The following ADAMTS9 variants were observed in gnomAD, a reference collection of about 807,000 sequenced individuals.
The protein encoded by ADAMTS9 is ADAM metallopeptidase with thrombospondin type 1 motif 9, also known as A disintegrin and metalloproteinase with thrombospondin motifs 9.
A neutral mutation model predicts 257.1 loss-of-function variants in ADAMTS9; 107 were observed. That is an observed-to-expected ratio of 0.42 (90% confidence interval 0.36 to 0.49). The LOEUF is 0.49. Ranked by LOEUF, ADAMTS9 falls within the 20% of genes least tolerant of loss-of-function variation. The pLI is 0.03. For missense variants in ADAMTS9, 2,353 were observed against 2,469.1 expected (o/e 0.95, Z 1.00); for synonymous variants, 982 against 880.9 (o/e 1.11, Z -2.03).
intron 29 of ADAMTS9, 49 bp from the exon 30 acceptor site, chr3:64,561,800 G>A (rs780029734): frequency 2.2e-6 from 2 of 910,152 alleles, no homozygotes; most frequent in East Asian, 3.3e-5. Context: ...TTTATTTTTT[G>A]GGGGGGCGGG....
intron 22 of ADAMTS9, among the ~76,000 whole-genome samples, chr3:64,609,350 T>G (rs975707162): frequency 5.9e-5 from 9 of 152,092 alleles, no homozygotes; most frequent in Non-Finnish European, 1.0e-4. Flanking sequence ...ACTAATTCTA[T>G]TTGCAGATGT....
chr3:64,639,832 C>G (rs921540644), intron 12 of ADAMTS9, among the ~76,000 whole-genome samples: 1 of 152,022 alleles, frequency 6.6e-6, no homozygotes, highest in Admixed American at 6.6e-5. Context: ...GCAGTACCAG[C>G]CTTCTTTTAT....
Position 64,628,753 on chromosome 3 carries a change from A to G in ADAMTS9, c.2389+2702T>C, listed in dbSNP as rs1003121408. On this transcript the variant is annotated intron_variant, in intron 16 of 39. Coordinates refer to ENST00000498707, the MANE Select transcript of ADAMTS9 (RefSeq NM_182920.2). Reference sequence around the variant, plus strand: ...AGAGGTGAATGTACATTTTCAAGCTAACCCCATTCTCCATTAAGTGCACAG... The same window carrying G: ...AGAGGTGAATGTACATTTTCAAGCTGACCCCATTCTCCATTAAGTGCACAG... Among the ~76,000 whole-genome samples, 92 of 152,306 alleles carry G rather than the reference A, an allele frequency of 6.0e-4. 1 individual carries two copies. Among genetic ancestry groups the G allele is most frequent in the African/African-American group, 2.1e-3 (87 of 41,576 alleles).
At chr3:64,633,418 A>G (rs2106897359) in intron 14 of ADAMTS9, 54 bp downstream of exon 14, 1 of 1,605,306 alleles carries the variant, frequency 6.2e-7, no homozygotes, top group Non-Finnish European at 8.5e-7. Context: ...GAAGCCACAA[A>G]TCACAGGTTG....
chr3:64,557,955 A>G (rs1412341212), intron 30 of ADAMTS9, among the ~76,000 whole-genome samples: 1 of 152,164 alleles, frequency 6.6e-6, no homozygotes, highest in African/African-American at 2.4e-5. Context: ...TGAACAACCA[A>G]TGGGCTTCAC....
At chr3:64,678,754 G>A (rs562275161) in intron 3 of ADAMTS9, among the ~76,000 whole-genome samples, 1 of 152,130 alleles carries the variant, frequency 6.6e-6, no homozygotes, top group Non-Finnish European at 1.5e-5. Context: ...TTGACCTGTT[G>A]GTCCATTCCT....
At position 64,631,969 on chromosome 3, in the gene ADAMTS9, G is replaced by C. The variant is rs372158884; in HGVS notation, c.2176-44C>G. 4.9e-6 allele frequency: 7 copies of C among 1,419,366 alleles called. No individual in the cohort carries two copies. The Admixed American group carries it at 7.4e-5, about 15-fold the overall frequency. 87.9% of individuals were successfully genotyped at this position (1,419,366 alleles called of 1,614,324 possible). A position where few individuals can be genotyped will look rare whatever the true frequency, so the allele number is the denominator to read the frequency against. The stretch of plus-strand genomic sequence containing the variant: ...TTGAAATAAATGTAAGCATTATAGA[G>C]ATTATAAAATGGCAAATAATGTGTT... On this transcript the variant is annotated intron_variant, in intron 14 of 39. Transcript: ENST00000498707.
chr3:64,519,063 C>T (rs1389595998), intron 39 of ADAMTS9, among the ~76,000 whole-genome samples: 3 of 152,130 alleles, frequency 2.0e-5, no homozygotes, highest in Non-Finnish European at 4.4e-5. Context: ...CAGGCATGAG[C>T]CACCGTGCCC....
chr3:64,609,633 G>C (rs1576113676), intron 22 of ADAMTS9, among the ~76,000 whole-genome samples: 1 of 152,142 alleles, frequency 6.6e-6, no homozygotes, highest in South Asian at 2.1e-4. Context: ...AATTAAAGAA[G>C]ACCTAAATAA....
chr3:64,556,151 C>A (rs1240919907), intron 30 of ADAMTS9, among the ~76,000 whole-genome samples: 1 of 152,074 alleles, frequency 6.6e-6, no homozygotes, highest in Admixed American at 6.5e-5. Flanking sequence ...CCTCAGACTC[C>A]AAGTATGTAT....
intron 4 of ADAMTS9, among the ~76,000 whole-genome samples, chr3:64,657,249 G>A (rs907273397): frequency 6.6e-6 from 1 of 152,100 alleles, no homozygotes; most frequent in Non-Finnish European, 1.5e-5. Context: ...TGAAGCCTTA[G>A]TATAAAAAAT....
At position 64,574,548 on chromosome 3, in the gene ADAMTS9, C is replaced by A. The variant is rs1477365222; in HGVS notation, c.4357-6013G>T. ...GACTGGCCTGGGCAACATGACAAGA[C>A]CCCATCTCTACAAAAAAAAAAAAAA... is the stretch of plus-strand genomic sequence containing the variant. On this transcript the variant is annotated intron_variant, in intron 28 of 39. Transcript: ENST00000498707. Among the ~76,000 whole-genome samples, 5 of 138,528 alleles carry A rather than the reference C, an allele frequency of 3.6e-5. No homozygotes were observed. In the East Asian group the frequency reaches 1.1e-3, roughly 30 times the overall value. 90.9% of individuals were successfully genotyped at this position (138,528 alleles called of 152,430 possible).
chr3:64,643,786 C>CT lies in ADAMTS9; in HGVS notation c.1711-1794dup, dbSNP rs113623624. On this transcript the variant is annotated intron_variant, in intron 11 of 39. Transcript: ENST00000498707. ...GGCCTACTAATTAGATTTTTTAATG[C>CT]TTTTTTTTTTTCATACTAAGTCTTC... is the stretch of plus-strand genomic sequence containing the variant. Among the ~76,000 whole-genome samples, 804 of 146,794 alleles carry CT rather than the reference C, an allele frequency of 5.5e-3. 9 individuals are homozygous for CT. The highest frequency in any genetic ancestry group is 5.3e-3 in the Non-Finnish European group (349 of 66,458).
chr3:64,596,931 C>T lies in ADAMTS9; in HGVS notation c.4078G>A (p.Gly1360Arg). The T allele has an allele frequency of 6.2e-6, 10 of 1,613,984 alleles. No homozygotes were observed. Among genetic ancestry groups the T allele is most frequent in the Non-Finnish European group, 6.8e-6 (8 of 1,179,968 alleles). ...TCCACACAGTCGTTTGCGGTGTATC[C>T]ATTTTCATCCTGACATACAACAACA... ...RRVVVCQDEN[G>R]YTANDCVERI... Residue 1360 changes from glycine (G) to arginine (R), a missense_variant, in exon 27 of 40, where the codon GGA becomes AGA. Gly to Arg is a moderately radical substitution (Grantham distance 125). Transcript: ENST00000498707.
intron 3 of ADAMTS9, among the ~76,000 whole-genome samples, chr3:64,666,294 C>T (rs1241098190): frequency 2.0e-5 from 3 of 152,078 alleles, no homozygotes; most frequent in African/African-American, 7.2e-5. Flanking sequence ...GGGGTTGGGC[C>T]GAGGAGATCT....
chr3:64,669,644 CAG>C (rs1185770922), intron 3 of ADAMTS9, among the ~76,000 whole-genome samples: 1 of 152,080 alleles, frequency 6.6e-6, no homozygotes, highest in African/African-American at 2.4e-5. Flanking sequence ...CAAAACCCAA[CAG>C]AGATTCCCCC....
Position 64,648,064 on chromosome 3 carries a change from G to A in ADAMTS9, c.1606-20C>T, listed in dbSNP as rs1700840613. The A allele has an allele frequency of 1.3e-6, 2 of 1,585,710 alleles. No individual in the cohort carries two copies. The highest frequency in any genetic ancestry group is 1.7e-6 in the Non-Finnish European group (2 of 1,165,012). On this transcript the variant is annotated intron_variant, in intron 10 of 39. Transcript: ENST00000498707. ...CTGCATCTGCTCAATTCAATGAAAT[G>A]GCAATTGAGTGACAAGTGATTTATT...
intron 28 of ADAMTS9, among the ~76,000 whole-genome samples, chr3:64,575,161 C>A (rs62247580): frequency 1.3e-5 from 2 of 152,142 alleles, no homozygotes; most frequent in Admixed American, 1.3e-4. Flanking sequence ...GCTCTTTACA[C>A]GGTCAAGAAG....
In ADAMTS9 at chr3:64,616,187, G is replaced by A; in HGVS notation, c.2814-17C>T. The A allele has an allele frequency of 2.5e-6, 4 of 1,613,088 alleles. No homozygotes were observed. The highest frequency in any genetic ancestry group is 3.4e-6 in the Non-Finnish European group (4 of 1,179,226). The stretch of plus-strand genomic sequence containing the variant: ...ACATGCCACCTATGCAAAAATAATG[G>A]GGCAAAACCAACATTTCTGTTAAAA... On this transcript the variant is annotated splice_polypyrimidine_tract_variant and intron_variant, in intron 19 of 39. Transcript: ENST00000498707.
Sources: gnomAD v4.1 joint callset for allele counts (sites outside exome capture counted in the v4.1 genomes callset) on GRCh38, gnomAD v4.1.1 for gene constraint, MANE v1.5 for transcripts, NCBI Gene and HGNC (gene_info 2026-07-23, HGNC 2026-07-21) for gene names.